MAF: variants seen among roughly 807,000 people sequenced by gnomAD.
The protein encoded by MAF is transcription factor Maf.
A neutral mutation model predicts 22.0 loss-of-function variants in MAF; 10 were observed. The observed-to-expected ratio is 0.45, with a 90% CI of 0.28 to 0.77. MAF has a LOEUF of 0.77. Ranked by LOEUF, MAF falls within the 30% of genes least tolerant of loss-of-function variation. The pLI is 0.12. For synonymous variants in MAF, 337 were observed against 255.8 expected, an observed-to-expected ratio of 1.32 and a Z score of -3.03; for missense variants, 544 against 548.4, an observed-to-expected ratio of 0.99 and a Z score of 0.08.
chr16:79,592,263 G>C (rs1009938879), downstream of MAF, among the ~76,000 whole-genome samples: 1 of 152,162 alleles, frequency 6.6e-6, no homozygotes, highest in Non-Finnish European at 1.5e-5. Context: ...TTTGTGGCAG[G>C]ACTGTGTTTC....
chr16:79,543,911 C>T, the MAF span, among the ~76,000 whole-genome samples: 5 of 152,022 alleles, frequency 3.3e-5, no homozygotes, highest in African/African-American at 1.2e-4. Context: ...TGGTCTCCAT[C>T]TCCAGACCTC....
the MAF span, among the ~76,000 whole-genome samples, chr16:79,488,931 C>A: frequency 6.6e-6 from 1 of 152,196 alleles, no homozygotes; most frequent in Non-Finnish European, 1.5e-5. Context: ...GATCATCTCT[C>A]CTTCCAGACT....
chr16:79,542,687 C>T, the MAF span, among the ~76,000 whole-genome samples: 3 of 152,168 alleles, frequency 2.0e-5, no homozygotes, highest in East Asian at 3.9e-4. Flanking sequence ...GGGGCTCGTG[C>T]ACTGATGGGC....
chr16:79,546,413 G>T, the MAF span, among the ~76,000 whole-genome samples: 1 of 152,098 alleles, frequency 6.6e-6, no homozygotes, highest in Non-Finnish European at 1.5e-5. Context: ...AGTGACTTGG[G>T]CTGGGAGAAG....
At chr16:79,221,828 T>A in the MAF span, among the ~76,000 whole-genome samples, 1 of 152,306 alleles carries the variant, frequency 6.6e-6, no homozygotes, top group Non-Finnish European at 1.5e-5. Context: ...AACAGACTAA[T>A]AGATCTGTGA....
the MAF span, among the ~76,000 whole-genome samples, chr16:79,502,708 A>AATAAATATATATATAT: frequency 2.9e-5 from 1 of 34,008 alleles, no homozygotes; most frequent in African/African-American, 9.0e-5. Context: ...TATAAATATA[A>AATAAATATATATATAT]ATATATATAT....
At chr16:79,308,228 C>T in the MAF span, among the ~76,000 whole-genome samples, 7 of 152,208 alleles carry the variant, frequency 4.6e-5, no homozygotes, top group African/African-American at 1.4e-4. Context: ...ATTTAAGACA[C>T]CTGGAATGAT....
the MAF span, among the ~76,000 whole-genome samples, chr16:79,379,299 C>T: frequency 6.6e-6 from 1 of 152,170 alleles, no homozygotes; most frequent in African/African-American, 2.4e-5. Context: ...TGCCATGATG[C>T]TGAAATGGGA....
At chr16:79,359,886 G>A in the MAF span, among the ~76,000 whole-genome samples, 2 of 152,200 alleles carry the variant, frequency 1.3e-5, no homozygotes, top group South Asian at 2.1e-4. Flanking sequence ...AGTGGAAGGA[G>A]CTTAACCTGG....
chr16:79,433,819 A>C, the MAF span, among the ~76,000 whole-genome samples: 494 of 152,294 alleles, frequency 3.2e-3, 1 homozygote, highest in African/African-American at 0.011. Context: ...CGTTTGATTA[A>C]AAATCCAGAT....
At chr16:79,378,945 A>T in the MAF span, among the ~76,000 whole-genome samples, 14 of 152,208 alleles carry the variant, frequency 9.2e-5, no homozygotes, top group African/African-American at 3.4e-4. Flanking sequence ...GCATTTATAA[A>T]CATCAATACC....
chr16:79,577,560 A>T, the MAF span, among the ~76,000 whole-genome samples: 1 of 152,138 alleles, frequency 6.6e-6, no homozygotes, highest in African/African-American at 2.4e-5. Context: ...ATCATAGCCC[A>T]TGGAGGTTTT....
chr16:79,486,862 C>T, the MAF span, among the ~76,000 whole-genome samples: 2 of 152,300 alleles, frequency 1.3e-5, no homozygotes, highest in East Asian at 1.9e-4. Context: ...AGATCATACT[C>T]GTAGCTACTC....
chr16:79,597,351 A>G, intron 1 of MAF: 8 of 1,039,186 alleles, frequency 7.7e-6, no homozygotes, highest in Non-Finnish European at 9.3e-6. Flanking sequence ...CAATGACCAA[A>G]AGCCAAAAAA....
At chr16:79,542,526 C>T in the MAF span, among the ~76,000 whole-genome samples, 1 of 152,176 alleles carries the variant, frequency 6.6e-6, no homozygotes, top group Non-Finnish European at 1.5e-5. Flanking sequence ...CTCTGAGGCC[C>T]TTGGATAACA....
chr16:79,508,067 G>A, the MAF span, among the ~76,000 whole-genome samples: 32 of 152,302 alleles, frequency 2.1e-4, 2 homozygotes, highest in Admixed American at 1.8e-3. Flanking sequence ...AGGAAAAAGG[G>A]ATGGAAGAAG....
chr16:79,437,281 C>A, the MAF span, among the ~76,000 whole-genome samples: 1 of 152,078 alleles, frequency 6.6e-6, no homozygotes, highest in Admixed American at 6.6e-5. Flanking sequence ...TCCTAGCTCT[C>A]CTTCGTGCAA....
the MAF span, among the ~76,000 whole-genome samples, chr16:79,480,147 A>C: frequency 6.6e-6 from 1 of 152,104 alleles, no homozygotes; most frequent in African/African-American, 2.4e-5. Context: ...ACCACCTCTC[A>C]GAACCTCTGT....
chr16:79,334,863 A>ATG, the MAF span, among the ~76,000 whole-genome samples: 2,601 of 61,272 alleles, frequency 0.042, 16 homozygotes, highest in Middle Eastern at 0.1. Context: ...GTGTGTGTGT[A>ATG]TGTGTGTGTG....
Sources: allele counts gnomAD v4.1 joint callset (sites outside exome capture counted in the v4.1 genomes callset), GRCh38; gene constraint gnomAD v4.1.1; transcripts MANE v1.5; gene names NCBI Gene and HGNC (gene_info 2026-07-23, HGNC 2026-07-21).